The following MSH5 variants were observed in gnomAD, a reference collection of about 807,000 sequenced individuals.
The protein encoded by MSH5 is mutS protein homolog 5.
In MSH5, 78 loss-of-function variants were observed where a neutral mutation model predicts 107.7. The observed-to-expected ratio is 0.72, with a 90% CI of 0.60 to 0.87. The LOEUF (loss-of-function observed/expected upper bound fraction) is 0.87. Among genes scored for constraint, MSH5 ranks in the 40% least tolerant of loss-of-function variants. The pLI, the probability that MSH5 is intolerant of heterozygous loss-of-function variation, is 0.00. For synonymous variants in MSH5, 326 were observed against 399.5 expected (o/e 0.82, Z 2.19); for missense variants, 889 against 1,046.6 (o/e 0.85, Z 2.08).
Position 31,753,355 on chromosome 6 carries a change from C to A in MSH5, c.867C>A (p.Asp289Glu). ...HDLGELSSRL[D>E]VIQFFLLPQN... ...TGGGGGAGCTCAGTTCTCGTCTGGA[C>A]GTCATTCAGTTTTTTCTGCTGCCCC... Residue 289 changes from aspartate to glutamate, a missense_variant, in exon 11 of 25, where the codon GAC becomes GAA. By Grantham distance (45) the Asp-to-Glu change is conservative. This residue lies in a region of MSH5 where 518 missense variants were observed against 565.0 expected (regional missense o/e 0.92). Coordinates refer to ENST00000375750, the MANE Select transcript of MSH5 (RefSeq NM_172166.4). 1 of 1,614,158 alleles carries A rather than the reference C, an allele frequency of 6.2e-7. No homozygotes were observed. Among genetic ancestry groups the A allele is most frequent in the Non-Finnish European group, 8.5e-7 (1 of 1,180,024 alleles).
At position 31,753,318 on chromosome 6, in the gene MSH5, C is replaced by G; in HGVS notation, c.830C>G (p.Pro277Arg). The G allele has an allele frequency of 1.2e-6, 2 of 1,612,206 alleles. No individual in the cohort carries two copies. The highest frequency in any genetic ancestry group is 1.7e-6 in the Non-Finnish European group (2 of 1,178,380). ...ACTTCCAGGCTATGGTTCACACGTC[C>G]GACTCATGACCTGGGGGAGCTCAGT... is the stretch of plus-strand genomic sequence containing the variant. ...EKLLRLWFTR[P>R]THDLGELSSR... The change falls in exon 11 of 25, where the codon CCG becomes CGG. Residue 277 changes from proline (P) to arginine (R), a missense_variant. Physicochemically the swap from Pro to Arg is moderately radical, Grantham distance 103. Around this residue, in one of 3 missense-constraint regions of MSH5, gnomAD observed 518 missense variants for 565.0 expected, o/e 0.92. Transcript: ENST00000375750.
At chr6:31,748,480 C>G (rs564738433) in intron 10 of MSH5, among the ~76,000 whole-genome samples, 101 of 151,310 alleles carry the variant, frequency 6.7e-4, no homozygotes, top group African/African-American at 2.4e-3. Context: ...TCCCAAGTAG[C>G]TGGGATTACA....
Position 31,743,951 on chromosome 6 carries a change from A to T in MSH5, c.463A>T (p.Ile155Phe). 1 of 1,613,636 alleles carries T rather than the reference A, an allele frequency of 6.2e-7. No individual in the cohort carries two copies. The highest frequency in any genetic ancestry group is 8.5e-7 in the Non-Finnish European group (1 of 1,180,026). Residue 155 changes from isoleucine to phenylalanine, a missense_variant, in exon 6 of 25, where the codon ATC becomes TTC. By Grantham distance (21) the Ile-to-Phe change is conservative. Around this residue, in one of 3 missense-constraint regions of MSH5, gnomAD observed 518 missense variants for 565.0 expected, o/e 0.92. Coordinates refer to ENST00000375750, the MANE Select transcript of MSH5 (RefSeq NM_172166.4). ...QRLLSGNYSF[I>F]PDAMTATEKI... Reference sequence around the variant, plus strand: ...CCTCCTTTCTGGAAACTACTCCTTCATCCCAGACGCCATGACTGCCACTGA... The same window carrying T: ...CCTCCTTTCTGGAAACTACTCCTTCTTCCCAGACGCCATGACTGCCACTGA...
rs1810173053 is a variant in MSH5 at position 31,753,614 on chromosome 6, G to A, written c.999G>A (p.Trp333Ter). 6.2e-7 allele frequency: 1 copy of A among 1,614,182 alleles called. No individual in the cohort carries two copies. The highest frequency in any genetic ancestry group is 8.5e-7 in the Non-Finnish European group (1 of 1,180,024). ...TGTCCCACACCAAGGTCAGCGACTGGCAGGTTCTCTACAAGGTAAGGCCTT... is the reference window on the plus strand; with the variant it reads ...TGTCCCACACCAAGGTCAGCGACTGACAGGTTCTCTACAAGGTAAGGCCTT... The part of the protein sequence containing the change: ...MKLSHTKVSD[W>*]QVLYKTVYSA... Residue 333 changes from tryptophan (W) to a stop codon, truncating the protein, a stop_gained, in exon 12 of 25, where the codon TGG becomes TGA. Transcript: ENST00000375750. LOFTEE classifies it high-confidence loss of function.
In MSH5 at chr6:31,740,390, A is replaced by T; in HGVS notation, c.-13-64A>T. ...CTTAGTGCTTTGCATTCTGCGCGCCACCCTACCCCGGCCTCCTCTGTGAAT... is the reference window on the plus strand; with the variant it reads ...CTTAGTGCTTTGCATTCTGCGCGCCTCCCTACCCCGGCCTCCTCTGTGAAT... On this transcript the variant is annotated intron_variant, in intron 1 of 24. Transcript: ENST00000375750. This position sits in a 1 kb window ranked among gnomAD's most constrained non-coding sequence, Gnocchi z 4.4. 15 of 1,513,216 alleles carry T rather than the reference A, an allele frequency of 9.9e-6. No homozygotes were observed. Among genetic ancestry groups the T allele is most frequent in the Non-Finnish European group, 1.2e-5 (14 of 1,125,638 alleles). The allele number at this position is 1,513,216 out of a possible 1,614,324, so 93.7% of individuals were successfully genotyped here. A position where few individuals can be genotyped will look rare whatever the true frequency, so the allele number is the denominator to read the frequency against.
Position 31,741,196 on chromosome 6 carries a change from T to G in MSH5, c.181T>G (p.Leu61Val), listed in dbSNP as rs759260801. Residue 61 changes from leucine (L) to valine (V), a missense_variant, in exon 3 of 25, where the codon TTG becomes GTG. Around this residue, in one of 3 missense-constraint regions of MSH5, gnomAD observed 518 missense variants for 565.0 expected, o/e 0.92. Coordinates refer to ENST00000375750, the MANE Select transcript of MSH5 (RefSeq NM_172166.4). ...GTGTGTGCTGTGGAATTCAGGATACTTGGGCATTGCCTACTATGATACTAG... is the reference window on the plus strand; with the variant it reads ...GTGTGTGCTGTGGAATTCAGGATACGTGGGCATTGCCTACTATGATACTAG... ...HLCVLWNSGYLGIAYYDTSDS... is the reference protein window; with the variant it reads ...HLCVLWNSGYVGIAYYDTSDS... 1 of 1,613,050 alleles carries G rather than the reference T, an allele frequency of 6.2e-7. No homozygotes were observed. Among genetic ancestry groups the G allele is most frequent in the South Asian group, 1.1e-5 (1 of 91,086 alleles).
intron 9 of MSH5, among the ~76,000 whole-genome samples, 194 bp from the exon 10 acceptor site, chr6:31,747,193 C>T (rs185147193): frequency 2.0e-5 from 3 of 152,210 alleles, no homozygotes; most frequent in African/African-American, 7.2e-5. Flanking sequence ...CATCCCTTCC[C>T]CCATCTCCAT....
intron 4 of MSH5, 23 bp from the exon 5 acceptor site, chr6:31,743,085 G>A (rs1361843606): frequency 3.7e-6 from 6 of 1,612,576 alleles, no homozygotes; most frequent in Non-Finnish European, 5.1e-6. Context: ...AAGAATGATA[G>A]CCTTTTCTTT....
chr6:31,751,837 G>T (rs371627868), intron 10 of MSH5, among the ~76,000 whole-genome samples: 37 of 152,178 alleles, frequency 2.4e-4, no homozygotes, highest in East Asian at 1.2e-3. Context: ...AGTAGCTCAT[G>T]CCTGTAATTC....
At position 31,761,424 on chromosome 6, in the gene MSH5, A is replaced by G; in HGVS notation, c.2038-48A>G. The G allele has an allele frequency of 6.2e-7, 1 of 1,610,484 alleles. No individual in the cohort carries two copies. The highest frequency in any genetic ancestry group is 8.5e-7 in the Non-Finnish European group (1 of 1,178,924). On this transcript the variant is annotated intron_variant, in intron 21 of 24. Coordinates refer to ENST00000375750, the MANE Select transcript of MSH5 (RefSeq NM_172166.4). This position sits in a 1 kb window ranked among gnomAD's most constrained non-coding sequence, Gnocchi z 5.3. ...AAAGGCAGTGCAAGTGCAGAGGGGC[A>G]TATGGGGTCCCCATGGCTCCGAATG...
chr6:31,745,772 T>G (rs1007476456), intron 9 of MSH5, among the ~76,000 whole-genome samples: 1 of 147,360 alleles, frequency 6.8e-6, no homozygotes, highest in Non-Finnish European at 1.5e-5. Flanking sequence ...CAGGTTTTTT[T>G]TTTTTTTTTT....
Position 31,759,070 on chromosome 6 carries a change from A to C in MSH5, c.1327-27A>C. ...CCAGTAAGTCTCCAAGCAGGAGAGT[A>C]GAGTATCTCCTCTTTACTCTCCCCA... On this transcript the variant is annotated intron_variant, in intron 15 of 24. Transcript: ENST00000375750. The surrounding 1 kb of genome is among the most constrained non-coding windows in gnomAD (Gnocchi z 4.7). 2 of 1,596,946 alleles carry C rather than the reference A, an allele frequency of 1.3e-6. No homozygotes were observed. The highest frequency in any genetic ancestry group is 1.7e-6 in the Non-Finnish European group (2 of 1,165,506).
At chr6:31,744,776 G>A (rs1226492462) in intron 8 of MSH5, among the ~76,000 whole-genome samples, 195 bp downstream of exon 8, 3 of 151,960 alleles carry the variant, frequency 2.0e-5, no homozygotes, top group African/African-American at 7.3e-5. Context: ...TTTTCTATAG[G>A]GAGAAACTGA....
chr6:31,753,200 A>G lies in MSH5; in HGVS notation c.813-101A>G, dbSNP rs113502147. The G allele has an allele frequency of 2.1e-5, 30 of 1,412,334 alleles. 2 individuals are homozygous for G. In the African/African-American group the frequency reaches 3.0e-4, roughly 14 times the overall value. The allele number at this position is 1,412,334 out of a possible 1,614,324, so 87.5% of individuals were successfully genotyped here. A position where few individuals can be genotyped will look rare whatever the true frequency, so the allele number is the denominator to read the frequency against. On this transcript the variant is annotated intron_variant, in intron 10 of 24. Coordinates refer to ENST00000375750, the MANE Select transcript of MSH5 (RefSeq NM_172166.4). Reference sequence around the variant, plus strand: ...TTCCCATAGCACATCGTGGATACATATTGCCACAATCCCCAGGGACTGCAA... The same window carrying G: ...TTCCCATAGCACATCGTGGATACATGTTGCCACAATCCCCAGGGACTGCAA...
intron 12 of MSH5, among the ~76,000 whole-genome samples, chr6:31,755,808 T>C (rs1810398640): frequency 6.6e-6 from 1 of 152,180 alleles, no homozygotes; most frequent in African/African-American, 2.4e-5. Flanking sequence ...ATGATGGCCC[T>C]AGTCCTTTTT....
intron 10 of MSH5, among the ~76,000 whole-genome samples, chr6:31,750,199 CAT>C (rs750189026): frequency 9.2e-5 from 14 of 152,154 alleles, no homozygotes; most frequent in Non-Finnish European, 1.6e-4. Flanking sequence ...GGACAGGTGA[CAT>C]ATTTATTAAT....
chr6:31,758,233 G>A lies in MSH5; in HGVS notation c.1083G>A (p.Arg361=). The A allele has an allele frequency of 6.2e-7, 1 of 1,613,018 alleles. No homozygotes were observed. The highest frequency in any genetic ancestry group is 8.5e-7 in the Non-Finnish European group (1 of 1,180,022). Residue 361 remains arginine (R), a synonymous_variant, in exon 13 of 25, where the codon CGG becomes CGA. Coordinates refer to ENST00000375750, the MANE Select transcript of MSH5 (RefSeq NM_172166.4). This position sits in a 1 kb window ranked among gnomAD's most constrained non-coding sequence, Gnocchi z 5.1. ...RSLPQSIQLF[R]DIAQEFSDDL... ...TGCCGCAGTCCATCCAGCTCTTTCG[G>A]GACATTGCCCAAGAGTTCTCTGATG... is the stretch of plus-strand genomic sequence containing the variant.
chr6:31,756,328 C>T (rs1036689111), intron 12 of MSH5, among the ~76,000 whole-genome samples: 4 of 151,858 alleles, frequency 2.6e-5, no homozygotes, highest in Admixed American at 2.0e-4. Context: ...CACACCACCA[C>T]GCCCAGCTAA....
intron 12 of MSH5, among the ~76,000 whole-genome samples, chr6:31,757,231 G>A (rs1382169001): frequency 6.6e-6 from 1 of 151,924 alleles, no homozygotes; most frequent in Non-Finnish European, 1.5e-5. Context: ...TGCAAGCTCT[G>A]CCTCCCGGGT....
Sources: gnomAD v4.1 joint callset for allele counts (sites outside exome capture counted in the v4.1 genomes callset) on GRCh38, gnomAD v4.1.1 for gene constraint, gnomAD v4.1.1 regional missense constraint, Gnocchi (gnomAD v3.1) non-coding constraint, MANE v1.5 for transcripts, NCBI Gene and HGNC (gene_info 2026-07-23, HGNC 2026-07-21) for gene names.